Variants in KIF27 observed in about 807,000 individuals in gnomAD.
KIF27 encodes kinesin-like protein KIF27.
A neutral mutation model predicts 141.8 loss-of-function variants in KIF27; 84 were observed. The observed-to-expected ratio is 0.59, with a 90% CI of 0.50 to 0.71. The LOEUF (loss-of-function observed/expected upper bound fraction) is 0.71, where lower values mean the gene tolerates loss of function less well. Ranked by LOEUF, KIF27 falls within the 30% of genes least tolerant of loss-of-function variation. The pLI is 0.00. For missense variants in KIF27, 1,306 were observed against 1,628.4 expected (o/e 0.80, Z 3.41); for synonymous variants, 471 against 569.5 (o/e 0.83, Z 2.46).
intron 13 of KIF27, among the ~76,000 whole-genome samples, chr9:83,865,043 T>C (rs766047927): frequency 1.3e-5 from 2 of 152,146 alleles, no homozygotes; most frequent in Non-Finnish European, 2.9e-5. Context: ...TCTTCCTCCA[T>C]CCCTTTATTT....
intron 5 of KIF27, among the ~76,000 whole-genome samples, chr9:83,895,489 A>C (rs1284291118): frequency 6.6e-6 from 1 of 152,206 alleles, no homozygotes; most frequent in Non-Finnish European, 1.5e-5. Flanking sequence ...TATGATTGGA[A>C]ACAAGACAAG....
intron 11 of KIF27, among the ~76,000 whole-genome samples, chr9:83,871,933 C>T (rs1279332118): frequency 1.3e-5 from 2 of 151,142 alleles, no homozygotes; most frequent in Non-Finnish European, 3.0e-5. Context: ...AACTCCTGAC[C>T]TCAGGTGATC....
At chr9:83,912,332 T>C (rs1955252234) in intron 2 of KIF27, among the ~76,000 whole-genome samples, 1 of 152,250 alleles carries the variant, frequency 6.6e-6, no homozygotes, top group Non-Finnish European at 1.5e-5. Context: ...CCATCAACTT[T>C]GATGGCTGCC....
rs775397031 is a variant in KIF27 at position 83,883,762 on chromosome 9, C to T, written c.2445+51G>A. ...TTTCCTAACTCAGTACAAGAATCCTCAGAAGCAAGAAAGCTTAAATAAGTT... is the reference window on the plus strand; with the variant it reads ...TTTCCTAACTCAGTACAAGAATCCTTAGAAGCAAGAAAGCTTAAATAAGTT... On this transcript the variant is annotated intron_variant, in intron 10 of 17. Transcript: ENST00000297814. 1.7e-5 allele frequency: 22 copies of T among 1,291,772 alleles called. No homozygotes were observed. In the African/African-American group the frequency reaches 2.0e-4, roughly 12 times the overall value. The allele number at this position is 1,291,772 out of a possible 1,614,324, so 80.0% of individuals were successfully genotyped here.
chr9:83,866,948 ACC>A (rs373091907), intron 13 of KIF27, among the ~76,000 whole-genome samples: 23 of 118,172 alleles, frequency 1.9e-4, no homozygotes, highest in Admixed American at 3.6e-4. Flanking sequence ...TATTTTATTC[ACC>A]CCCCCCCCAA....
chr9:83,908,475 C>T lies in KIF27; in HGVS notation c.476G>A (p.Arg159Gln), dbSNP rs1954799028. Residue 159 changes from arginine (R) to glutamine (Q), a missense_variant, in exon 3 of 18, where the codon CGA (arginine) becomes CAA (glutamine). Physicochemically the swap from Arg to Gln is conservative, Grantham distance 43. This residue lies in a region of KIF27 where 533 missense variants were observed against 565.6 expected (regional missense o/e 0.94). Coordinates refer to ENST00000297814, the MANE Select transcript of KIF27 (RefSeq NM_017576.4). ...LETSMKDLHI[R>Q]EDEKGNTVIV... ...ACCTGTGTTTCCTTTTTCATCTTCT[C>T]GGATGTGAAGATCCTTCATGGATGT... 7 of 1,609,068 alleles carry T rather than the reference C, an allele frequency of 4.4e-6. No individual in the cohort carries two copies. Among genetic ancestry groups the T allele is most frequent in the Admixed American group, 1.7e-5 (1 of 59,632 alleles).
At chr9:83,864,597 T>C (rs1588071821) in intron 13 of KIF27, among the ~76,000 whole-genome samples, 1 of 152,338 alleles carries the variant, frequency 6.6e-6, no homozygotes, top group Non-Finnish European at 1.5e-5. Context: ...CTTCCAACTA[T>C]GTGGTCAATT....
At chr9:83,887,239 T>C (rs1345074387) in intron 8 of KIF27, 43 bp from the exon 9 acceptor site, 4 of 1,305,840 alleles carry the variant, frequency 3.1e-6, no homozygotes, top group Non-Finnish European at 4.1e-6. Context: ...GCTGGTAAAA[T>C]ATTCAACAGA....
rs756577075 is a variant in KIF27 at position 83,903,455 on chromosome 9, G to A, written c.1063C>T (p.Arg355Cys). 5.6e-6 allele frequency: 9 copies of A among 1,613,894 alleles called. No individual in the cohort carries two copies. The highest frequency in any genetic ancestry group is 4.0e-5 in the African/African-American group (3 of 74,872). ...PTVNFSPESD[R>C]IDEMEFEIKL... Reference sequence around the variant, plus strand: ...ATCTCAAATTCCATTTCATCTATACGGTCTGACTCGGGGCTGAAGTTTACA... The same window carrying A: ...ATCTCAAATTCCATTTCATCTATACAGTCTGACTCGGGGCTGAAGTTTACA... Residue 355 changes from arginine (R) to cysteine (C), a missense_variant, in exon 4 of 18, where the codon CGT becomes TGT. Arg to Cys is a radical substitution (Grantham distance 180). Transcript: ENST00000297814.
At chr9:83,899,066 A>C (rs1294910607) in intron 5 of KIF27, 1 of 152,300 alleles carries the variant, frequency 6.6e-6, no homozygotes, top group African/African-American at 2.4e-5. Context: ...GTGCTGGATC[A>C]GATTATTTCT....
At chr9:83,849,185 T>G (rs1445032516) in intron 16 of KIF27, among the ~76,000 whole-genome samples, 1 of 152,162 alleles carries the variant, frequency 6.6e-6, no homozygotes, top group African/African-American at 2.4e-5. Flanking sequence ...TTAAAAAATA[T>G]TAAAATATCA....
At chr9:83,905,177 G>A (rs1005658723) in intron 3 of KIF27, among the ~76,000 whole-genome samples, 1 of 150,870 alleles carries the variant, frequency 6.6e-6, no homozygotes, top group Non-Finnish European at 1.5e-5. Flanking sequence ...GGAGTGCAGT[G>A]GCGCAATCTC....
At position 83,902,780 on chromosome 9, in the gene KIF27, G is replaced by C. The variant is rs112309265; in HGVS notation, c.1458+280C>G. On this transcript the variant is annotated intron_variant, in intron 4 of 17. Coordinates refer to ENST00000297814, the MANE Select transcript of KIF27 (RefSeq NM_017576.4). The stretch of plus-strand genomic sequence containing the variant: ...TTAACCAAAGGAGAAAGGAGGAGGA[G>C]CCAAGAAGGGTATGAATTGTGAGGA... Among the ~76,000 whole-genome samples, 1,519 of 152,214 alleles carry C rather than the reference G, an allele frequency of 1.0e-2. 14 individuals are homozygous for C. Among genetic ancestry groups the C allele is most frequent in the Middle Eastern group, 0.02 (6 of 294 alleles).
chr9:83,912,302 C>T (rs571005810), intron 2 of KIF27, among the ~76,000 whole-genome samples: 7 of 152,308 alleles, frequency 4.6e-5, no homozygotes, highest in South Asian at 2.1e-4. Flanking sequence ...TGGCAACAAT[C>T]GTTCTGAAAA....
intron 15 of KIF27, among the ~76,000 whole-genome samples, chr9:83,851,955 C>G (rs1259582641): frequency 6.0e-5 from 9 of 150,836 alleles, no homozygotes; most frequent in Non-Finnish European, 1.0e-4. Context: ...TGGTGAAACC[C>G]CATCTCTACT....
chr9:83,867,497 G>A (rs887076594), intron 13 of KIF27, among the ~76,000 whole-genome samples, 187 bp downstream of exon 13: 7 of 121,702 alleles, frequency 5.8e-5, no homozygotes, highest in African/African-American at 2.3e-4. Context: ...TTAGCCTTTT[G>A]AGGAACTACA....
chr9:83,855,853 G>A (rs977531647), intron 14 of KIF27, among the ~76,000 whole-genome samples: 1 of 152,126 alleles, frequency 6.6e-6, no homozygotes, highest in Non-Finnish European at 1.5e-5. Context: ...GGACAATTTC[G>A]TATAAATTCA....
chr9:83,844,988 G>A (rs1947068367), intron 16 of KIF27, among the ~76,000 whole-genome samples: 2 of 152,144 alleles, frequency 1.3e-5, no homozygotes, highest in Non-Finnish European at 2.9e-5. Context: ...TTTGAATGGG[G>A]TCCACAACAG....
intron 4 of KIF27, among the ~76,000 whole-genome samples, chr9:83,900,069 T>A: frequency 6.6e-6 from 1 of 152,326 alleles, no homozygotes; most frequent in East Asian, 1.9e-4. Context: ...GTTGTTTTGG[T>A]TCTAGAGTAC....
Sources: allele counts gnomAD v4.1 joint callset (sites outside exome capture counted in the v4.1 genomes callset), GRCh38; gene constraint gnomAD v4.1.1; regional missense constraint gnomAD v4.1.1; transcripts MANE v1.5; gene names NCBI Gene and HGNC (gene_info 2026-07-23, HGNC 2026-07-21).